LRRC4C: variants seen among roughly 807,000 people sequenced by gnomAD.
The protein encoded by LRRC4C is leucine-rich repeat-containing protein 4C.
Under a neutral mutation model 33.6 loss-of-function variants are expected in LRRC4C, and 5 were observed. That is an observed-to-expected ratio of 0.15 (90% CI 0.08 to 0.31). The LOEUF (loss-of-function observed/expected upper bound fraction) is 0.31. LRRC4C is among the 10% of genes least tolerant of loss of function. The pLI, the probability that LRRC4C is intolerant of heterozygous loss-of-function variation, is 1.00. For missense variants in LRRC4C, 560 were observed against 796.7 expected, an observed-to-expected ratio of 0.70 and a Z score of 3.58; for synonymous variants, 329 against 302.0, an observed-to-expected ratio of 1.09 and a Z score of -0.93.
At chr11:41,427,083 G>C (rs888805987) in intron 1 of LRRC4C, among the ~76,000 whole-genome samples, 1 of 152,178 alleles carries the variant, frequency 6.6e-6, no homozygotes, top group African/African-American at 2.4e-5. Context: ...AAATGGTATA[G>C]ATGTACAGGG....
chr11:41,398,323 C>T (rs374552544), intron 1 of LRRC4C, among the ~76,000 whole-genome samples: 11 of 151,862 alleles, frequency 7.2e-5, no homozygotes, highest in African/African-American at 1.9e-4. Flanking sequence ...GAATGTAGTA[C>T]GTACCACCTA....
chr11:40,127,638 A>G (rs1856352413), intron 6 of LRRC4C, among the ~76,000 whole-genome samples: 1 of 152,190 alleles, frequency 6.6e-6, no homozygotes, highest in South Asian at 2.1e-4. Flanking sequence ...GACTTTGATG[A>G]GAAAGTAAAT....
intron 1 of LRRC4C, among the ~76,000 whole-genome samples, chr11:41,186,678 T>C (rs1385732980): frequency 6.6e-6 from 1 of 152,162 alleles, no homozygotes; most frequent in Non-Finnish European, 1.5e-5. Flanking sequence ...TAATCTGTAT[T>C]ATCAAATAAA....
At chr11:40,565,123 G>T (rs540995081) in intron 3 of LRRC4C, among the ~76,000 whole-genome samples, 1 of 152,150 alleles carries the variant, frequency 6.6e-6, no homozygotes, top group African/African-American at 2.4e-5. Context: ...TTAAACTGCA[G>T]TGACAGGAAA....
intron 2 of LRRC4C, among the ~76,000 whole-genome samples, chr11:40,711,588 T>C (rs1946467972): frequency 6.6e-6 from 1 of 152,184 alleles, no homozygotes; most frequent in African/African-American, 2.4e-5. Flanking sequence ...TTATGTGTTA[T>C]GGATATAAAA....
intron 3 of LRRC4C, among the ~76,000 whole-genome samples, chr11:40,609,782 C>T (rs1961015004): frequency 6.6e-6 from 1 of 151,666 alleles, no homozygotes; most frequent in Non-Finnish European, 1.5e-5. Context: ...TGCCAAGAAA[C>T]TGAGTAACCT....
intron 2 of LRRC4C, among the ~76,000 whole-genome samples, chr11:40,848,867 C>A (rs1186588132): frequency 6.6e-6 from 1 of 152,114 alleles, no homozygotes; most frequent in African/African-American, 2.4e-5. Context: ...GTTAAATCTT[C>A]TTGTTGAATT....
intron 3 of LRRC4C, among the ~76,000 whole-genome samples, chr11:40,355,979 G>GTATAGTATAGTATAGTATAT (rs1555030029): frequency 2.0e-5 from 3 of 151,688 alleles, no homozygotes; most frequent in African/African-American, 7.3e-5. Flanking sequence ...GTATAGTACA[G>GTATAGTATAGTATAGTATAT]TATAGTATAG....
intron 2 of LRRC4C, among the ~76,000 whole-genome samples, chr11:40,744,065 T>C (rs374960232): frequency 3.6e-4 from 55 of 152,280 alleles, no homozygotes; most frequent in African/African-American, 1.3e-3. Context: ...CTTATGTATG[T>C]ACATTTCTTT....
At chr11:41,311,200 T>A (rs1210646771) in intron 1 of LRRC4C, among the ~76,000 whole-genome samples, 1 of 152,170 alleles carries the variant, frequency 6.6e-6, no homozygotes, top group Non-Finnish European at 1.5e-5. Flanking sequence ...CATTTTTTTT[T>A]ATATATTCAT....
chr11:40,473,652 G>A (rs1299900578), intron 3 of LRRC4C, among the ~76,000 whole-genome samples: 1 of 152,120 alleles, frequency 6.6e-6, no homozygotes, highest in Non-Finnish European at 1.5e-5. Flanking sequence ...AGGAAGAGGG[G>A]AAATCAAATT....
chr11:40,676,358 G>T (rs911958730), intron 2 of LRRC4C, among the ~76,000 whole-genome samples: 1 of 152,090 alleles, frequency 6.6e-6, no homozygotes, highest in Non-Finnish European at 1.5e-5. Flanking sequence ...TGGAAGGCAG[G>T]GTTAGATGAA....
At chr11:40,235,999 G>C (rs1287159633) in intron 5 of LRRC4C, among the ~76,000 whole-genome samples, 1 of 151,584 alleles carries the variant, frequency 6.6e-6, no homozygotes, top group Non-Finnish European at 1.5e-5. Context: ...ACATTATAAA[G>C]AACAAGTGCC....
intron 4 of LRRC4C, among the ~76,000 whole-genome samples, chr11:40,307,151 C>T (rs1945080578): frequency 6.6e-6 from 1 of 151,988 alleles, no homozygotes; most frequent in Non-Finnish European, 1.5e-5. Context: ...CTCTTCCCCA[C>T]TCCACCTCCT....
At chr11:41,047,170 C>T (rs1254781766) in intron 1 of LRRC4C, among the ~76,000 whole-genome samples, 1 of 151,972 alleles carries the variant, frequency 6.6e-6, no homozygotes, top group Non-Finnish European at 1.5e-5. Context: ...TACAACTCAA[C>T]AGTAAAAAGA....
At chr11:40,768,369 T>C (rs1336447339) in intron 2 of LRRC4C, among the ~76,000 whole-genome samples, 1 of 152,076 alleles carries the variant, frequency 6.6e-6, no homozygotes, top group African/African-American at 2.4e-5. Context: ...GTTTCACTGA[T>C]GAATTTTACC....
chr11:40,798,565 TAG>T (rs1393195304), intron 2 of LRRC4C, among the ~76,000 whole-genome samples: 17 of 152,114 alleles, frequency 1.1e-4, no homozygotes, highest in Non-Finnish European at 1.5e-5. Context: ...AACAATACTA[TAG>T]ATGCATAATA....
At chr11:40,655,770 C>T (rs1038337472) in intron 2 of LRRC4C, among the ~76,000 whole-genome samples, 2 of 152,266 alleles carry the variant, frequency 1.3e-5, no homozygotes, top group African/African-American at 4.8e-5. Context: ...AGTCTATTCT[C>T]ACACTGCTAT....
At chr11:40,315,052 T>C (rs1466175750) in intron 4 of LRRC4C, among the ~76,000 whole-genome samples, 2 of 152,026 alleles carry the variant, frequency 1.3e-5, no homozygotes, top group Non-Finnish European at 2.9e-5. Flanking sequence ...AAAGAGGATA[T>C]TGAATGCTTC....
Sources: gnomAD v4.1 joint callset for allele counts (sites outside exome capture counted in the v4.1 genomes callset) on GRCh38, gnomAD v4.1.1 for gene constraint, MANE v1.5 for transcripts, NCBI Gene and HGNC (gene_info 2026-07-23, HGNC 2026-07-21) for gene names.